AK5: variants seen among roughly 807,000 people sequenced by gnomAD.
AK5 encodes the protein adenylate kinase isoenzyme 5.
A neutral mutation model predicts 69.5 loss-of-function variants in AK5; 27 were observed. The ratio of observed to expected loss-of-function variants is 0.39; its 90% CI spans 0.29 to 0.54. AK5 has a LOEUF of 0.54. Ranked by LOEUF, AK5 falls within the 20% of genes least tolerant of loss-of-function variation. AK5 has a pLI of 0.71. For missense variants in AK5, 531 were observed against 700.4 expected (o/e 0.76, Z 2.73); for synonymous variants, 260 against 244.4 (o/e 1.06, Z -0.60).
intron 6 of AK5, among the ~76,000 whole-genome samples, chr1:77,369,716 T>C (rs975527333): frequency 6.6e-5 from 10 of 152,160 alleles, no homozygotes; most frequent in African/African-American, 2.4e-4. Context: ...ATGTACAATA[T>C]TAGAATTACT....
At chr1:77,332,477 T>C (rs1352376592) in intron 5 of AK5, among the ~76,000 whole-genome samples, 1 of 150,906 alleles carries the variant, frequency 6.6e-6, no homozygotes, top group Non-Finnish European at 1.5e-5. Context: ...GTCACAATTT[T>C]GTTATAATTT....
chr1:77,468,521 C>T (rs769626291), intron 8 of AK5, among the ~76,000 whole-genome samples: 4 of 152,246 alleles, frequency 2.6e-5, no homozygotes, highest in Non-Finnish European at 4.4e-5. Flanking sequence ...GGCAAGGGTC[C>T]AGCCCTGGAT....
At chr1:77,484,194 A>C (rs984561547) in intron 9 of AK5, among the ~76,000 whole-genome samples, 4 of 152,140 alleles carry the variant, frequency 2.6e-5, no homozygotes, top group Admixed American at 6.5e-5. Flanking sequence ...AAAAGTAAAA[A>C]TTCCACCCAT....
intron 8 of AK5, among the ~76,000 whole-genome samples, chr1:77,468,449 A>AGCCGTGCCTCAGAGGCAGGCCTGT (rs1654276596): frequency 6.6e-6 from 1 of 152,240 alleles, no homozygotes; most frequent in African/African-American, 2.4e-5. Context: ...TGTACCTGGC[A>AGCCGTGCCTCAGAGGCAGGCCTGT]GCCGTGCCTC....
At chr1:77,541,978 G>A (rs560599075) in intron 13 of AK5, among the ~76,000 whole-genome samples, 153 of 152,186 alleles carry the variant, frequency 1.0e-3, no homozygotes, top group South Asian at 1.9e-3. Flanking sequence ...GTATGTGTGG[G>A]ACACGACACT....
At chr1:77,297,758 CA>C in intron 4 of AK5, 30 bp downstream of exon 4, 1 of 1,604,612 alleles carries the variant, frequency 6.2e-7, no homozygotes, top group South Asian at 1.1e-5. Flanking sequence ...TTTTATTCTG[CA>C]AAATGTTTTC....
At chr1:77,367,578 T>TATATATATATATAA (rs1646983061) in intron 6 of AK5, among the ~76,000 whole-genome samples, 2 of 10,376 alleles carry the variant, frequency 1.9e-4, no homozygotes, top group African/African-American at 5.7e-4. Flanking sequence ...TATATATATA[T>TATATATATATATAA]AATATATATG....
chr1:77,486,523 A>G (rs558240633), intron 10 of AK5, among the ~76,000 whole-genome samples, 171 bp downstream of exon 10: 32 of 151,974 alleles, frequency 2.1e-4, no homozygotes, highest in South Asian at 1.0e-3. Context: ...GTGAAACCCC[A>G]TCTCTAGTAA....
chr1:77,500,705 C>G (rs1656664194), intron 10 of AK5, among the ~76,000 whole-genome samples: 1 of 152,054 alleles, frequency 6.6e-6, no homozygotes, highest in South Asian at 2.1e-4. Flanking sequence ...ACTCTTGAAC[C>G]TAGGAGGCAG....
In AK5 at chr1:77,522,996, G is replaced by A. The variant is rs531499833; in HGVS notation, c.1428+1053G>A. Among the ~76,000 whole-genome samples the A allele has an allele frequency of 1.5e-4, 23 of 152,148 alleles. No homozygotes were observed. In the East Asian group the frequency reaches 4.3e-3, roughly 28 times the overall value. On this transcript the variant is annotated intron_variant, in intron 12 of 13. Coordinates refer to ENST00000354567, the MANE Select transcript of AK5 (RefSeq NM_174858.3). ...ATGACTTCCCCATGGCCACACAGCT[G>A]GTGACAACTTACTGGTAAGTGCCAA...
chr1:77,282,990 G>C, intron 1 of AK5: 1 of 985,548 alleles, frequency 1.0e-6, no homozygotes, highest in Admixed American at 6.1e-5. Context: ...CCGTTGCCTA[G>C]GAAGGGTTGG....
At chr1:77,459,504 G>A (rs1653699279) in intron 8 of AK5, among the ~76,000 whole-genome samples, 1 of 152,176 alleles carries the variant, frequency 6.6e-6, no homozygotes, top group Non-Finnish European at 1.5e-5. Context: ...CAAGCTTTAA[G>A]GAGCATGAGA....
intron 10 of AK5, among the ~76,000 whole-genome samples, chr1:77,487,986 T>C (rs928088552): frequency 2.2e-4 from 34 of 152,192 alleles, no homozygotes; most frequent in African/African-American, 8.0e-4. Flanking sequence ...GTCAAGTGTT[T>C]GGAGTAAAAT....
chr1:77,526,372 G>A (rs1658284877), intron 12 of AK5, among the ~76,000 whole-genome samples: 1 of 151,568 alleles, frequency 6.6e-6, no homozygotes, highest in African/African-American at 2.4e-5. Context: ...CACTTACCTT[G>A]CCCTTGAACT....
At chr1:77,312,432 T>C (rs1355440757) in intron 5 of AK5, among the ~76,000 whole-genome samples, 1 of 152,008 alleles carries the variant, frequency 6.6e-6, no homozygotes, top group African/African-American at 2.4e-5. Flanking sequence ...CTGGCCAATA[T>C]GGCAAAACCC....
At position 77,333,726 on chromosome 1, in the gene AK5, G is replaced by A. The variant is rs569776180; in HGVS notation, c.700-6651G>A. Reference sequence around the variant, plus strand: ...TGCTTATTGTCTGTGCTACTTGCACGCTACAAGACCATATGGCCGGCAAAG... The same window carrying A: ...TGCTTATTGTCTGTGCTACTTGCACACTACAAGACCATATGGCCGGCAAAG... On this transcript the variant is annotated intron_variant, in intron 5 of 13. Transcript: ENST00000354567. Among the ~76,000 whole-genome samples, 15 of 152,250 alleles carry A rather than the reference G, an allele frequency of 9.9e-5. No homozygotes were observed. In the East Asian group the frequency reaches 1.5e-3, roughly 16 times the overall value.
At chr1:77,429,189 A>G (rs1570106122) in intron 8 of AK5, among the ~76,000 whole-genome samples, 2 of 152,292 alleles carry the variant, frequency 1.3e-5, no homozygotes, top group African/African-American at 4.8e-5. Context: ...TGACTTCCAC[A>G]ATGGTTGAAC....
chr1:77,392,195 A>G (rs1354693942), intron 6 of AK5, among the ~76,000 whole-genome samples: 1 of 151,638 alleles, frequency 6.6e-6, no homozygotes, highest in Non-Finnish European at 1.5e-5. Context: ...AAAATATACT[A>G]TGAGTATTAT....
At chr1:77,318,026 T>C (rs1049757229) in intron 5 of AK5, among the ~76,000 whole-genome samples, 1 of 152,232 alleles carries the variant, frequency 6.6e-6, no homozygotes, top group Non-Finnish European at 1.5e-5. Flanking sequence ...CTGTTGCGAA[T>C]AATAGTGAAG....
Sources: gnomAD v4.1 joint callset for allele counts (sites outside exome capture counted in the v4.1 genomes callset) on GRCh38, gnomAD v4.1.1 for gene constraint, MANE v1.5 for transcripts, NCBI Gene and HGNC (gene_info 2026-07-23, HGNC 2026-07-21) for gene names.